The following ANKRD46 variants were observed in gnomAD, a reference collection of about 807,000 sequenced individuals.
ANKRD46 encodes ankyrin repeat domain 46, also known as ankyrin repeat domain-containing protein 46.
Under a neutral mutation model 19.8 loss-of-function variants are expected in ANKRD46, and 13 were observed. That is an observed-to-expected ratio of 0.66 (90% CI 0.43 to 1.04). The LOEUF (loss-of-function observed/expected upper bound fraction) is 1.04, where lower values mean the gene tolerates loss of function less well. ANKRD46 is among the 50% of genes least tolerant of loss of function. The pLI is 0.00. For synonymous variants in ANKRD46, 91 were observed against 106.9 expected, an observed-to-expected ratio of 0.85 and a Z score of 0.92; for missense variants, 185 against 274.8, an observed-to-expected ratio of 0.67 and a Z score of 2.31.
In ANKRD46 at chr8:100,527,982, A is replaced by AGG; in HGVS notation, c.331_332dup (p.Val113Ter). ...CTCCTCTGCGCTTTGCCAGAACTAAAGGGGTAGCACCTTGATGATTGCTAA... is the reference window on the plus strand; with the variant it reads ...CTCCTCTGCGCTTTGCCAGAACTAAAGGGGGGTAGCACCTTGATGATTGCTAA... On this transcript the variant is annotated frameshift_variant, in exon 4 of 5. Transcript: ENST00000335659. LOFTEE classifies it high-confidence loss of function. The surrounding 1 kb of genome is among the most constrained non-coding windows in gnomAD (Gnocchi z 4.0). The AGG allele has an allele frequency of 6.2e-7, 1 of 1,601,402 alleles. No individual in the cohort carries two copies. Among genetic ancestry groups the AGG allele is most frequent in the Non-Finnish European group, 8.5e-7 (1 of 1,173,148 alleles).
rs1247140887 is a variant in ANKRD46 at position 100,521,466 on chromosome 8, A to G, written c.*1089T>C. 1 of 985,348 alleles carries G rather than the reference A, an allele frequency of 1.0e-6. No individual in the cohort carries two copies. Among genetic ancestry groups the G allele is most frequent in the Admixed American group, 6.1e-5 (1 of 16,268 alleles). The allele number at this position is 985,348 out of a possible 1,614,324, so 61.0% of individuals were successfully genotyped here. ...CTGCTGAAAGCTGCAATATAGTTTG[A>G]GGGCCAGATTTCAATTTACATAATA... On this transcript the variant is annotated 3_prime_UTR_variant, in exon 5 of 5. Coordinates refer to ENST00000335659, the MANE Select transcript of ANKRD46 (RefSeq NM_001270377.2).
chr8:100,513,231 A>C (rs1400635789), intron 5 of ANKRD46, among the ~76,000 whole-genome samples: 1 of 152,184 alleles, frequency 6.6e-6, no homozygotes, highest in African/African-American at 2.4e-5. Flanking sequence ...TCCTTCAAAG[A>C]AGCACCATGG....
chr8:100,539,549 A>G (rs922125154), intron 1 of ANKRD46, among the ~76,000 whole-genome samples: 2 of 152,254 alleles, frequency 1.3e-5, no homozygotes, highest in Non-Finnish European at 2.9e-5. Flanking sequence ...GCTCTACCAC[A>G]GACATACATT....
intron 1 of ANKRD46, chr8:100,551,142 C>T (rs1246827738): frequency 2.9e-5 from 13 of 453,228 alleles, no homozygotes; most frequent in Non-Finnish European, 5.0e-5. Flanking sequence ...CCACAGTTTC[C>T]CACAGAGGCC....
chr8:100,540,317 T>C (rs1812152047), intron 1 of ANKRD46, among the ~76,000 whole-genome samples: 1 of 152,192 alleles, frequency 6.6e-6, no homozygotes, highest in Non-Finnish European at 1.5e-5. Flanking sequence ...CATATAACTC[T>C]TTACAATCAT....
Position 100,529,036 on chromosome 8 carries a change from A to T in ANKRD46, c.311+487T>A, listed in dbSNP as rs756363995. Among the ~76,000 whole-genome samples the T allele has an allele frequency of 5.3e-4, 81 of 152,238 alleles. No individual in the cohort carries two copies. Among genetic ancestry groups the T allele is most frequent in the Non-Finnish European group, 9.3e-4 (63 of 68,036 alleles). ...ATGACAGAAGGCACACAAGCGTTAG[A>T]GTCAGCGGAACTAGGTTCAAATTCC... On this transcript the variant is annotated intron_variant, in intron 3 of 4. Coordinates refer to ENST00000335659, the MANE Select transcript of ANKRD46 (RefSeq NM_001270377.2). The surrounding 1 kb of genome is among the most constrained non-coding windows in gnomAD (Gnocchi z 5.8).
chr8:100,558,811 T>C (rs1249647965), intron 1 of ANKRD46, among the ~76,000 whole-genome samples: 1 of 152,160 alleles, frequency 6.6e-6, no homozygotes, highest in Non-Finnish European at 1.5e-5. Flanking sequence ...TTTCCTTATC[T>C]GTATAATGGA....
intron 1 of ANKRD46, among the ~76,000 whole-genome samples, chr8:100,549,689 A>C (rs1436412833): frequency 6.6e-6 from 1 of 152,152 alleles, no homozygotes; most frequent in Non-Finnish European, 1.5e-5. Context: ...TCCTACACTA[A>C]CACATCATTA....
Position 100,529,170 on chromosome 8 carries a change from A to G in ANKRD46, c.311+353T>C, listed in dbSNP as rs1223302534. On this transcript the variant is annotated intron_variant, in intron 3 of 4. Coordinates refer to ENST00000335659, the MANE Select transcript of ANKRD46 (RefSeq NM_001270377.2). This position sits in a 1 kb window ranked among gnomAD's most constrained non-coding sequence, Gnocchi z 5.8. ...TCTAATCTGTAAAATGAAAACACCT[A>G]TTGTGAGAGCTCTTCATTCTGAGGA... 1.3e-5 allele frequency among the ~76,000 whole-genome samples: 2 copies of G among 152,208 alleles called. No individual in the cohort carries two copies. The highest frequency in any genetic ancestry group is 2.4e-5 in the African/African-American group (1 of 41,454).
intron 5 of ANKRD46, among the ~76,000 whole-genome samples, chr8:100,512,103 G>A (rs961722683): frequency 7.9e-5 from 12 of 152,146 alleles, no homozygotes; most frequent in African/African-American, 2.7e-4. Context: ...ACATAACTCT[G>A]GAATTGGAAT....
rs1177632081 is a variant in ANKRD46 at position 100,536,581 on chromosome 8, T to C, written c.-130-3270A>G. ...ACTGATCCCCTGGTAACAGAGCAGC[T>C]TCTGATAATGGGGTGACATCTAGTT... is the stretch of plus-strand genomic sequence containing the variant. On this transcript the variant is annotated intron_variant, in intron 1 of 4. Transcript: ENST00000335659. This position sits in a 1 kb window ranked among gnomAD's most constrained non-coding sequence, Gnocchi z 4.9. 6.6e-6 allele frequency among the ~76,000 whole-genome samples: 1 copy of C among 152,112 alleles called. No homozygotes were observed. Among genetic ancestry groups the C allele is most frequent in the East Asian group, 1.9e-4 (1 of 5,200 alleles).
intron 1 of ANKRD46, chr8:100,551,338 C>G: frequency 1.8e-6 from 1 of 565,812 alleles, no homozygotes; most frequent in Non-Finnish European, 3.3e-6. Context: ...ATGGGGGCAT[C>G]AGCAGAGGGG....
intron 1 of ANKRD46, among the ~76,000 whole-genome samples, chr8:100,556,319 C>T (rs984976493): frequency 1.3e-5 from 2 of 152,184 alleles, no homozygotes; most frequent in African/African-American, 4.8e-5. Flanking sequence ...CTTCGCCCAG[C>T]CCACCCAAGC....
At chr8:100,515,823 G>A (rs1811621913), downstream of ANKRD46, among the ~76,000 whole-genome samples, 1 of 151,568 alleles carries the variant, frequency 6.6e-6, no homozygotes, top group Admixed American at 6.6e-5. Flanking sequence ...CACTCCAGAT[G>A]ACTTCTAATG....
In ANKRD46 at chr8:100,524,808, G is replaced by A. The variant is rs577711092; in HGVS notation, c.471-2037C>T. On this transcript the variant is annotated intron_variant, in intron 4 of 4. Coordinates refer to ENST00000335659, the MANE Select transcript of ANKRD46 (RefSeq NM_001270377.2). This position sits in a 1 kb window ranked among gnomAD's most constrained non-coding sequence, Gnocchi z 4.3. ...CAGAGCTCATGAAGCTCTGCCAATC[G>A]GGATATTCTATAAAGACTTTATCCA... Among the ~76,000 whole-genome samples the A allele has an allele frequency of 3.9e-5, 6 of 152,136 alleles. No homozygotes were observed. The East Asian group carries it at 7.7e-4, about 20-fold the overall frequency.
chr8:100,529,477 T>A lies in ANKRD46; in HGVS notation c.311+46A>T. ...CAAGATAAGATTATCAGTTGAGAGA[T>A]TAATGGGAAGAAATGACTAGACTTC... On this transcript the variant is annotated intron_variant, in intron 3 of 4. Transcript: ENST00000335659. This position sits in a 1 kb window ranked among gnomAD's most constrained non-coding sequence, Gnocchi z 5.8. 6.5e-7 allele frequency: 1 copy of A among 1,544,528 alleles called. No homozygotes were observed. The highest frequency in any genetic ancestry group is 8.8e-7 in the Non-Finnish European group (1 of 1,136,696).
chr8:100,518,760 G>C (rs1452989451), downstream of ANKRD46, among the ~76,000 whole-genome samples: 1 of 151,818 alleles, frequency 6.6e-6, no homozygotes, highest in Non-Finnish European at 1.5e-5. Context: ...GCTGAGGCAG[G>C]AGAATGGCGT....
rs1812267248 is a variant in ANKRD46, at chr8:100,546,059, T to C, written c.-130-12748A>G. Among the ~76,000 whole-genome samples the C allele has an allele frequency of 6.6e-6, 1 of 152,216 alleles. No homozygotes were observed. The stretch of plus-strand genomic sequence containing the variant: ...ATAATCTGCAATTGGAACTTCTGTT[T>C]AAAAGCGAAGCAGAGCATAAAAGTT... On this transcript the variant is annotated intron_variant, in intron 1 of 4. Transcript: ENST00000335659. This position sits in a 1 kb window ranked among gnomAD's most constrained non-coding sequence, Gnocchi z 4.0.
In ANKRD46 at chr8:100,546,869, T is replaced by C. The variant is rs1240846238; in HGVS notation, c.-131+12842A>G. Among the ~76,000 whole-genome samples, 1 of 152,254 alleles carries C rather than the reference T, an allele frequency of 6.6e-6. No homozygotes were observed. Among genetic ancestry groups the C allele is most frequent in the South Asian group, 2.1e-4 (1 of 4,836 alleles). ...TGGAGTTAAAGGAGATTTTGGAGTTTAAGATTCAATGACTGCCTGGCTGGG... is the reference window on the plus strand; with the variant it reads ...TGGAGTTAAAGGAGATTTTGGAGTTCAAGATTCAATGACTGCCTGGCTGGG... On this transcript the variant is annotated intron_variant, in intron 1 of 4. Coordinates refer to ENST00000335659, the MANE Select transcript of ANKRD46 (RefSeq NM_001270377.2). The surrounding 1 kb of genome is among the most constrained non-coding windows in gnomAD (Gnocchi z 4.0).
Sources: gnomAD v4.1 joint callset for allele counts (sites outside exome capture counted in the v4.1 genomes callset) on GRCh38, gnomAD v4.1.1 for gene constraint, Gnocchi (gnomAD v3.1) non-coding constraint, MANE v1.5 for transcripts, NCBI Gene and HGNC (gene_info 2026-07-23, HGNC 2026-07-21) for gene names.